The following CSMD1 variants were observed in gnomAD, a reference collection of about 807,000 sequenced individuals.
CSMD1 encodes the protein CUB and Sushi multiple domains 1.
Under a neutral mutation model 417.5 loss-of-function variants are expected in CSMD1, and 213 were observed. The observed-to-expected ratio is 0.51, with a 90% CI of 0.46 to 0.57. The LOEUF is 0.57. Among genes scored for constraint, CSMD1 ranks in the 20% least tolerant of loss-of-function variants. CSMD1 has a pLI of 0.00. For synonymous variants in CSMD1, 2,862 were observed against 1,736.8 expected (o/e 1.65, Z -16.11); for missense variants, 6,923 against 4,529.7 (o/e 1.53, Z -15.17).
rs781410625 is a variant in CSMD1, at chr8:3,997,879, G to C, written c.818+24C>G. On this transcript the variant is annotated intron_variant, in intron 5 of 69. Coordinates refer to ENST00000635120, the MANE Select transcript of CSMD1 (RefSeq NM_033225.6). ...CGGGGAAAACACACCTGTATCCTTTGTGGCATCTCTTCCCGGGACTTACCA... is the reference window on the plus strand; with the variant it reads ...CGGGGAAAACACACCTGTATCCTTTCTGGCATCTCTTCCCGGGACTTACCA... 1.3e-5 allele frequency: 20 copies of C among 1,595,526 alleles called. 1 individual carries two copies. The highest frequency in any genetic ancestry group is 7.9e-5 in the South Asian group (7 of 88,716).
intron 18 of CSMD1, among the ~76,000 whole-genome samples, chr8:3,387,199 C>T (rs1428405904): frequency 2.0e-5 from 3 of 152,178 alleles, no homozygotes; most frequent in Non-Finnish European, 4.4e-5. Context: ...TATACCGCCC[C>T]ACGTGCCAGT....
At chr8:3,812,310 C>G (rs183811121) in intron 5 of CSMD1, among the ~76,000 whole-genome samples, 31 of 152,306 alleles carry the variant, frequency 2.0e-4, no homozygotes, top group Middle Eastern at 3.4e-3. Flanking sequence ...GGGTCCTTTT[C>G]TGAGCTTTGC....
intron 26 of CSMD1, among the ~76,000 whole-genome samples, chr8:3,262,151 A>T (rs1801111749): frequency 7.0e-6 from 1 of 143,660 alleles, no homozygotes; most frequent in Non-Finnish European, 1.5e-5. Flanking sequence ...CAGTGAATGC[A>T]AACCATTTTA....
chr8:3,984,725 ATATATATATATATATATATATATATATT>A (rs1360842767), intron 5 of CSMD1, among the ~76,000 whole-genome samples: 23 of 65,704 alleles, frequency 3.5e-4, no homozygotes, highest in Non-Finnish European at 5.4e-4. Context: ...ATATATATAT[ATATATATATATATATATATATATATATT>A]TGTATGTATT....
chr8:2,964,611 T>C (rs1004070745), intron 59 of CSMD1, among the ~76,000 whole-genome samples: 4 of 152,384 alleles, frequency 2.6e-5, no homozygotes, highest in South Asian at 2.1e-4. Flanking sequence ...GCATATTTTA[T>C]TGGCAATTTC....
intron 22 of CSMD1, among the ~76,000 whole-genome samples, chr8:3,346,283 T>G (rs189486671): frequency 6.6e-6 from 1 of 152,228 alleles, no homozygotes; most frequent in Non-Finnish European, 1.5e-5. Flanking sequence ...CTTCCTTCCA[T>G]TGCAATAATA....
chr8:3,083,614 A>T (rs1319286122), intron 49 of CSMD1, among the ~76,000 whole-genome samples: 4 of 11,036 alleles, frequency 3.6e-4, no homozygotes, highest in African/African-American at 1.7e-3. Flanking sequence ...TAATTTTTAT[A>T]TATATATATA....
chr8:3,390,354 CAAAAAAAAAAAA>C (rs35292914), intron 17 of CSMD1, among the ~76,000 whole-genome samples: 6 of 64,248 alleles, frequency 9.3e-5, no homozygotes, highest in South Asian at 9.8e-4. Flanking sequence ...GACTCTGTCT[CAAAAAAAAAAAA>C]AAAAAAAAAA....
intron 1 of CSMD1, among the ~76,000 whole-genome samples, chr8:4,800,853 C>T (rs1394243181): frequency 6.6e-6 from 1 of 152,190 alleles, no homozygotes; most frequent in Non-Finnish European, 1.5e-5. Flanking sequence ...AGCCCTGAAA[C>T]CTCAACTTTA....
At chr8:4,532,931 G>A (rs886395364) in intron 2 of CSMD1, among the ~76,000 whole-genome samples, 3 of 144,756 alleles carry the variant, frequency 2.1e-5, no homozygotes, top group Non-Finnish European at 4.5e-5. Flanking sequence ...TCTTGCACCT[G>A]CATTCACAGT....
chr8:3,078,329 T>G (rs191413471), intron 49 of CSMD1, among the ~76,000 whole-genome samples: 40 of 152,308 alleles, frequency 2.6e-4, no homozygotes, highest in African/African-American at 9.4e-4. Context: ...TAGGTGAAGT[T>G]TTGGGATGCT....
chr8:3,892,025 C>T (rs199945985), intron 5 of CSMD1, among the ~76,000 whole-genome samples: 2 of 23,236 alleles, frequency 8.6e-5, no homozygotes, highest in Non-Finnish European at 2.0e-4. Flanking sequence ...TAGTCGCAAA[C>T]AAAAAAAAAA....
intron 5 of CSMD1, among the ~76,000 whole-genome samples, chr8:3,825,226 G>T (rs1307385717): frequency 2.0e-5 from 3 of 152,090 alleles, no homozygotes; most frequent in Non-Finnish European, 2.9e-5. Flanking sequence ...TGAATCCAAA[G>T]TCCCATCAAG....
chr8:4,028,421 T>G (rs1026488170), intron 4 of CSMD1, among the ~76,000 whole-genome samples: 18 of 152,114 alleles, frequency 1.2e-4, no homozygotes, highest in Admixed American at 3.9e-4. Context: ...GTGGTGGTAG[T>G]AGTAGCAGTC....
chr8:3,623,579 T>C (rs1230822261), intron 7 of CSMD1, among the ~76,000 whole-genome samples: 1 of 152,238 alleles, frequency 6.6e-6, no homozygotes. Flanking sequence ...ACTCTTAGTA[T>C]CATTTACATA....
intron 25 of CSMD1, among the ~76,000 whole-genome samples, chr8:3,285,107 G>A (rs192252351): frequency 1.4e-3 from 213 of 152,252 alleles, no homozygotes; most frequent in East Asian, 6.0e-3. Flanking sequence ...TAGCAGCCCT[G>A]AATGGGTCTG....
intron 17 of CSMD1, among the ~76,000 whole-genome samples, chr8:3,392,775 C>T (rs1012931229): frequency 1.3e-5 from 2 of 152,136 alleles, no homozygotes; most frequent in Admixed American, 6.5e-5. Flanking sequence ...TTTGAAGAAA[C>T]CTTCCCCTTC....
intron 18 of CSMD1, 27 bp downstream of exon 18, chr8:3,387,467 T>C (rs1206087935): frequency 1.9e-6 from 3 of 1,565,594 alleles, no homozygotes; most frequent in Admixed American, 1.8e-5. Context: ...ACCCTGCTGG[T>C]GCATTGCCTC....
At chr8:4,099,175 A>AAC (rs950640142) in intron 3 of CSMD1, among the ~76,000 whole-genome samples, 41 of 149,160 alleles carry the variant, frequency 2.7e-4, no homozygotes, top group African/African-American at 1.0e-3. Context: ...TATTTATCTG[A>AAC]ACACACACAC....
Sources: gnomAD v4.1 joint callset for allele counts (sites outside exome capture counted in the v4.1 genomes callset) on GRCh38, gnomAD v4.1.1 for gene constraint, MANE v1.5 for transcripts, NCBI Gene and HGNC (gene_info 2026-07-23, HGNC 2026-07-21) for gene names.